Variants in SPATA13 observed in about 807,000 individuals in gnomAD.
The protein encoded by SPATA13 is spermatogenesis associated 13, also known as spermatogenesis-associated protein 13.
Under a neutral mutation model 104.0 loss-of-function variants are expected in SPATA13, and 50 were observed. The observed-to-expected ratio is 0.48, with a 90% CI of 0.38 to 0.61. The LOEUF (loss-of-function observed/expected upper bound fraction) is 0.61, where lower values mean the gene tolerates loss of function less well. Among genes scored for constraint, SPATA13 ranks in the 20% least tolerant of loss-of-function variants. The probability of loss-of-function intolerance (pLI) is 0.00; values close to 1 mark genes in which losing one functional copy is unlikely to be tolerated. For synonymous variants in SPATA13, 606 were observed against 667.5 expected, an observed-to-expected ratio of 0.91 and a Z score of 1.42; for missense variants, 1,524 against 1,690.6, an observed-to-expected ratio of 0.90 and a Z score of 1.73.
chr13:24,143,615 C>CT (rs1294024351), intron 3 of SPATA13, among the ~76,000 whole-genome samples: 4 of 152,180 alleles, frequency 2.6e-5, no homozygotes, highest in Admixed American at 1.3e-4. Flanking sequence ...TCCGACTCTG[C>CT]TGCCAGTTAT....
intron 4 of SPATA13, among the ~76,000 whole-genome samples, chr13:24,269,258 T>TTTGTTATGGGA (rs1874438859): frequency 1.3e-5 from 2 of 152,168 alleles, no homozygotes; most frequent in Non-Finnish European, 2.9e-5. Context: ...TTTCCCTAAT[T>TTTGTTATGGGA]TTGTTATGGG....
chr13:24,278,416 TA>T (rs1340233945), intron 4 of SPATA13, among the ~76,000 whole-genome samples: 3 of 152,164 alleles, frequency 2.0e-5, no homozygotes. Flanking sequence ...AGGCACCTGA[TA>T]AAATAACATC....
intron 3 of SPATA13, among the ~76,000 whole-genome samples, chr13:24,055,552 G>A (rs1410878402): frequency 6.6e-6 from 1 of 152,172 alleles, no homozygotes; most frequent in Non-Finnish European, 1.5e-5. Flanking sequence ...GAGAAACCAT[G>A]TTTTGTGTGT....
At chr13:24,158,350 G>T (rs987668066), upstream of SPATA13, among the ~76,000 whole-genome samples, 2 of 152,202 alleles carry the variant, frequency 1.3e-5, no homozygotes, top group African/African-American at 2.4e-5. Flanking sequence ...AGCCACTGCG[G>T]GAGACCTAGG....
At chr13:24,203,264 A>T (rs926818957) in intron 1 of SPATA13, among the ~76,000 whole-genome samples, 1 of 152,062 alleles carries the variant, frequency 6.6e-6, no homozygotes, top group Non-Finnish European at 1.5e-5. Flanking sequence ...ATAAAGAACC[A>T]TTCTGTAGAG....
chr13:24,071,834 T>C (rs1223849081), intron 3 of SPATA13, among the ~76,000 whole-genome samples: 3 of 152,230 alleles, frequency 2.0e-5, no homozygotes, highest in Non-Finnish European at 4.4e-5. Context: ...AGTTTTAACT[T>C]TGTAAGACTT....
At chr13:24,265,997 T>A (rs953377545) in intron 4 of SPATA13, among the ~76,000 whole-genome samples, 1 of 152,100 alleles carries the variant, frequency 6.6e-6, no homozygotes, top group African/African-American at 2.4e-5. Context: ...TAAGAAGATA[T>A]CAGAAATGTG....
At chr13:24,125,573 G>A (rs1378203771) in intron 3 of SPATA13, among the ~76,000 whole-genome samples, 2 of 152,152 alleles carry the variant, frequency 1.3e-5, no homozygotes, top group African/African-American at 4.8e-5. Context: ...TTTAAGGAGC[G>A]AGGGAGAATT....
In SPATA13 at chr13:24,088,355, C is replaced by G. The variant is rs1020766913; in HGVS notation, c.-112+70654C>G. Among the ~76,000 whole-genome samples, 10 of 152,094 alleles carry G rather than the reference C, an allele frequency of 6.6e-5. No individual in the cohort carries two copies. Among genetic ancestry groups the G allele is most frequent in the Admixed American group, 5.2e-4 (8 of 15,276 alleles). ...TCTGAATTGGGATTAGAACATAAAC[C>G]CAGCTGACTTCAAGTTCTGAACCCT... On this transcript the variant is annotated intron_variant, in intron 3 of 14. Transcript: ENST00000424834. The surrounding 1 kb of genome is among the most constrained non-coding windows in gnomAD (Gnocchi z 4.3).
At chr13:23,997,490 C>G (rs1162270542) in intron 2 of SPATA13, among the ~76,000 whole-genome samples, 4 of 152,308 alleles carry the variant, frequency 2.6e-5, no homozygotes, top group Admixed American at 6.5e-5. Flanking sequence ...TTATCCATGT[C>G]TTTCCATGTA....
intron 4 of SPATA13, among the ~76,000 whole-genome samples, chr13:24,252,480 G>A (rs1873547995): frequency 2.0e-5 from 3 of 152,088 alleles, no homozygotes; most frequent in Admixed American, 2.0e-4. Flanking sequence ...CTTTTGGGGG[G>A]ACACAATTCA....
At chr13:24,214,040 G>A (rs577873468) in intron 1 of SPATA13, among the ~76,000 whole-genome samples, 9 of 152,322 alleles carry the variant, frequency 5.9e-5, no homozygotes, top group Admixed American at 1.3e-4. Context: ...TGGGAAAAGC[G>A]ATCACCTTCT....
Position 24,071,875 on chromosome 13 carries a change from C to G in SPATA13, c.-112+54174C>G, listed in dbSNP as rs79573361. On this transcript the variant is annotated intron_variant, in intron 3 of 14. Coordinates refer to the SPATA13 transcript ENST00000424834. ...AATTTTTGAGCAAGATGATTCTCCC[C>G]GTGTGCACTTTAAAACAGCTGACTC... Among the ~76,000 whole-genome samples the G allele has an allele frequency of 3.6e-3, 551 of 152,252 alleles. 15 individuals carry two copies. The East Asian group carries it at 0.062, about 17-fold the overall frequency.
At chr13:24,191,333 G>A (rs1869730679) in intron 1 of SPATA13, among the ~76,000 whole-genome samples, 1 of 151,720 alleles carries the variant, frequency 6.6e-6, no homozygotes, top group African/African-American at 2.4e-5. Context: ...TACACACATG[G>A]TAGACTACAG....
At chr13:24,040,346 C>T (rs1277733914) in intron 3 of SPATA13, among the ~76,000 whole-genome samples, 1 of 152,190 alleles carries the variant, frequency 6.6e-6, no homozygotes, top group East Asian at 1.9e-4. Context: ...AGTTTAAAGT[C>T]CTGAGGCCTC....
At chr13:24,094,756 G>C (rs1880017702) in intron 3 of SPATA13, among the ~76,000 whole-genome samples, 1 of 152,104 alleles carries the variant, frequency 6.6e-6, no homozygotes, top group Non-Finnish European at 1.5e-5. Flanking sequence ...GGGCAATATA[G>C]CAAGACCCTG....
chr13:24,047,566 AC>A (rs1170376808), intron 3 of SPATA13, among the ~76,000 whole-genome samples: 1 of 152,258 alleles, frequency 6.6e-6, no homozygotes, highest in Admixed American at 6.5e-5. Flanking sequence ...TCTTACTGTT[AC>A]AAATTTTGCA....
chr13:24,040,595 A>G (rs1341442323), intron 3 of SPATA13, among the ~76,000 whole-genome samples: 1 of 152,106 alleles, frequency 6.6e-6, no homozygotes, highest in African/African-American at 2.4e-5. Flanking sequence ...GGGGAGACAC[A>G]GGGGTCCAGG....
intron 2 of SPATA13, among the ~76,000 whole-genome samples, chr13:24,233,076 C>A (rs35583340): frequency 0.12 from 18,899 of 152,114 alleles, 1,237 homozygotes; most frequent in Middle Eastern, 0.19. Flanking sequence ...ATATGAACAT[C>A]TGTTTATCCA....
Sources: gnomAD v4.1 joint callset for allele counts (sites outside exome capture counted in the v4.1 genomes callset) on GRCh38, gnomAD v4.1.1 for gene constraint, Gnocchi (gnomAD v3.1) non-coding constraint, MANE v1.5 for transcripts, NCBI Gene and HGNC (gene_info 2026-07-23, HGNC 2026-07-21) for gene names.